MAP2K4: variants seen among roughly 807,000 people sequenced by gnomAD.
MAP2K4 encodes the protein dual specificity mitogen-activated protein kinase kinase 4.
In MAP2K4, 4 loss-of-function variants were observed where a neutral mutation model predicts 48.5. That is an observed-to-expected ratio of 0.08 (90% CI 0.04 to 0.19). The LOEUF (loss-of-function observed/expected upper bound fraction) is 0.19, where lower values mean the gene tolerates loss of function less well. MAP2K4 is among the 10% of genes least tolerant of loss of function. MAP2K4 has a pLI of 1.00. For synonymous variants in MAP2K4, 166 were observed against 173.1 expected (o/e 0.96, Z 0.32); for missense variants, 258 against 493.3 (o/e 0.52, Z 4.52).
At chr17:12,105,935 C>T (rs891321731) in intron 4 of MAP2K4, among the ~76,000 whole-genome samples, 1 of 152,062 alleles carries the variant, frequency 6.6e-6, no homozygotes, top group South Asian at 2.1e-4. Flanking sequence ...TAGTTTTTAG[C>T]ACCTGCCAGG....
At position 12,091,224 on chromosome 17, in the gene MAP2K4, C is replaced by T. The variant is rs576784493; in HGVS notation, c.394-4351C>T. 3.3e-5 allele frequency among the ~76,000 whole-genome samples: 5 copies of T among 152,304 alleles called. No homozygotes were observed. In the East Asian group the frequency reaches 5.8e-4, roughly 18 times the overall value. On this transcript the variant is annotated intron_variant, in intron 3 of 10. Transcript: ENST00000353533. ...AATATTATTCAAGATTTTGGTCCATCGATGTTATAAGCTGTCAACATTTAA... is the reference window on the plus strand; with the variant it reads ...AATATTATTCAAGATTTTGGTCCATTGATGTTATAAGCTGTCAACATTTAA...
At chr17:12,066,956 C>A (rs1006034379) in intron 2 of MAP2K4, among the ~76,000 whole-genome samples, 1 of 151,814 alleles carries the variant, frequency 6.6e-6, no homozygotes, top group African/African-American at 2.4e-5. Context: ...GGATTACAGG[C>A]GTGAGCCACC....
intron 2 of MAP2K4, among the ~76,000 whole-genome samples, chr17:12,060,535 G>A (rs1437584370): frequency 6.6e-6 from 1 of 152,186 alleles, no homozygotes; most frequent in African/African-American, 2.4e-5. Flanking sequence ...GGATTTCTAA[G>A]TGTGAATACC....
intron 1 of MAP2K4, among the ~76,000 whole-genome samples, chr17:12,034,383 T>C (rs1969530007): frequency 6.6e-6 from 1 of 152,324 alleles, no homozygotes; most frequent in South Asian, 2.1e-4. Flanking sequence ...TGGAGGGGCA[T>C]ATGTATTCCC....
intron 4 of MAP2K4, among the ~76,000 whole-genome samples, chr17:12,096,008 T>G (rs1198641809): frequency 7.1e-6 from 1 of 140,244 alleles, no homozygotes; most frequent in African/African-American, 2.7e-5. Context: ...ATCAGCTGAC[T>G]TCTAAATATC....
intron 1 of MAP2K4, among the ~76,000 whole-genome samples, chr17:12,052,856 A>G (rs1970183692): frequency 6.6e-6 from 1 of 152,092 alleles, no homozygotes; most frequent in Admixed American, 6.6e-5. Flanking sequence ...ATCTTTGGGG[A>G]CCACCATTCA....
intron 2 of MAP2K4, among the ~76,000 whole-genome samples, chr17:12,064,021 GGAGAGAGAGA>G (rs34670472): frequency 1.1e-5 from 1 of 93,566 alleles, no homozygotes; most frequent in African/African-American, 4.2e-5. Context: ...GGGAAGGGGG[GGAGAGAGAGA>G]GAGAGAGAGA....
At chr17:12,128,775 G>A (rs1972938198) in intron 8 of MAP2K4, among the ~76,000 whole-genome samples, 1 of 152,184 alleles carries the variant, frequency 6.6e-6, no homozygotes, top group Non-Finnish European at 1.5e-5. Context: ...GCTACAAATT[G>A]TGCGTATTCT....
intron 2 of MAP2K4, among the ~76,000 whole-genome samples, chr17:12,062,261 T>C (rs976579208): frequency 2.6e-5 from 4 of 152,218 alleles, no homozygotes; most frequent in Non-Finnish European, 4.4e-5. Context: ...ATATTCTAAG[T>C]CTTCCTGAGA....
Position 12,129,174 on chromosome 17 carries a change from G to A in MAP2K4, c.927G>A (p.Lys309=). The change falls in exon 9 of 11, where the codon AAG becomes AAA. Residue 309 remains lysine, a synonymous_variant. Transcript: ENST00000353533. ...CCACAGGCCGATTTCCTTATCCAAAGTGGAATAGTGTATTTGATCAACTAA... is the reference window on the plus strand; with the variant it reads ...CCACAGGCCGATTTCCTTATCCAAAATGGAATAGTGTATTTGATCAACTAA... ...ELATGRFPYP[K]WNSVFDQLTQ... 3 of 1,614,160 alleles carry A rather than the reference G, an allele frequency of 1.9e-6. No homozygotes were observed. Among genetic ancestry groups the A allele is most frequent in the Non-Finnish European group, 2.5e-6 (3 of 1,180,028 alleles).
rs1348623447 is a variant in MAP2K4 at position 12,054,913 on chromosome 17, A to G, written c.140A>G (p.Asn47Ser). ...GGTAAACGCAAAGCACTGAAGTTGAATTTTGCAAATCCACCTTTCAAATCT... is the reference window on the plus strand; with the variant it reads ...GGTAAACGCAAAGCACTGAAGTTGAGTTTTGCAAATCCACCTTTCAAATCT... ...MQGKRKALKL[N>S]FANPPFKSTA... The change falls in exon 2 of 11, where the codon AAT (asparagine) becomes AGT (serine). Residue 47 changes from asparagine (N) to serine (S), a missense_variant. Asn to Ser is a conservative substitution (Grantham distance 46). Around this residue, in one of 3 missense-constraint regions of MAP2K4, gnomAD observed 132 missense variants for 352.8 expected, o/e 0.37. Transcript: ENST00000353533. The G allele has an allele frequency of 3.7e-6, 6 of 1,611,778 alleles. No homozygotes were observed. In the South Asian group the frequency reaches 6.6e-5, roughly 18 times the overall value.
At chr17:12,082,312 A>G (rs1269738215) in intron 3 of MAP2K4, among the ~76,000 whole-genome samples, 1 of 152,170 alleles carries the variant, frequency 6.6e-6, no homozygotes, top group African/African-American at 2.4e-5. Context: ...TGTATGTAAG[A>G]TATTTCAGGA....
chr17:12,032,750 C>G (rs956683229), intron 1 of MAP2K4, among the ~76,000 whole-genome samples: 7 of 152,098 alleles, frequency 4.6e-5, no homozygotes, highest in Non-Finnish European at 1.0e-4. Context: ...TGTTTTTCTT[C>G]TGCCTCCCTC....
At chr17:12,127,011 G>A (rs1972876304) in intron 8 of MAP2K4, among the ~76,000 whole-genome samples, 1 of 151,988 alleles carries the variant, frequency 6.6e-6, no homozygotes. Context: ...GGCTTTTTTT[G>A]TAGCTTATTA....
chr17:12,025,536 C>T (rs1444548823), intron 1 of MAP2K4, among the ~76,000 whole-genome samples: 7 of 152,072 alleles, frequency 4.6e-5, no homozygotes, highest in South Asian at 2.1e-4. Flanking sequence ...AACATTGAGC[C>T]ATTTGTAAAA....
intron 5 of MAP2K4, among the ~76,000 whole-genome samples, chr17:12,109,496 A>C (rs991812849): frequency 1.3e-5 from 2 of 152,164 alleles, no homozygotes; most frequent in South Asian, 2.1e-4. Flanking sequence ...ACGTCACCTT[A>C]CAGCAAATAG....
intron 1 of MAP2K4, among the ~76,000 whole-genome samples, chr17:12,040,185 C>G (rs774421275): frequency 6.6e-6 from 1 of 152,118 alleles, no homozygotes; most frequent in Non-Finnish European, 1.5e-5. Flanking sequence ...TTAACTTTGC[C>G]TACATTAATT....
At chr17:12,115,431 T>C in intron 7 of MAP2K4, 1 of 472,342 alleles carries the variant, frequency 2.1e-6, no homozygotes, top group South Asian at 1.8e-5. Context: ...AGCATGTTAC[T>C]GTACTAAATA....
chr17:12,130,481 A>G (rs1264526757), intron 9 of MAP2K4, among the ~76,000 whole-genome samples: 1 of 152,212 alleles, frequency 6.6e-6, no homozygotes, highest in African/African-American at 2.4e-5. Flanking sequence ...TGTGTAAGTC[A>G]TAGGGTATAA....
Sources: allele counts gnomAD v4.1 joint callset (sites outside exome capture counted in the v4.1 genomes callset), GRCh38; gene constraint gnomAD v4.1.1; regional missense constraint gnomAD v4.1.1; transcripts MANE v1.5; gene names NCBI Gene and HGNC (gene_info 2026-07-23, HGNC 2026-07-21).